The following GALNT9 variants were observed in gnomAD, a reference collection of about 807,000 sequenced individuals.
The protein encoded by GALNT9 is polypeptide N-acetylgalactosaminyltransferase 9.
GALNT9 carries 47 observed loss-of-function variants against 63.1 expected under a neutral mutation model. That is an observed-to-expected ratio of 0.75 (90% CI 0.59 to 0.95). The LOEUF is 0.95. GALNT9 is among the 40% of genes least tolerant of loss of function. GALNT9 has a pLI of 0.00. For synonymous variants in GALNT9, 396 were observed against 365.7 expected (o/e 1.08, Z -0.94); for missense variants, 829 against 874.8 (o/e 0.95, Z 0.66).
At chr12:132,254,138 C>T (rs992565065) in intron 5 of GALNT9, among the ~76,000 whole-genome samples, 1 of 152,010 alleles carries the variant, frequency 6.6e-6, no homozygotes, top group Non-Finnish European at 1.5e-5. Context: ...TCTCCTGCCT[C>T]GGCCTCCCAA....
intron 10 of GALNT9, among the ~76,000 whole-genome samples, chr12:132,197,549 G>C (rs1053460264): frequency 6.7e-6 from 1 of 148,744 alleles, no homozygotes; most frequent in Non-Finnish European, 1.5e-5. Context: ...GGCAGATGCA[G>C]GGCTATGATC....
chr12:132,202,691 A>G lies in GALNT9; in HGVS notation c.1263+814T>C, dbSNP rs1876255652. 1.3e-5 allele frequency among the ~76,000 whole-genome samples: 2 copies of G among 151,934 alleles called. 1 individual carries two copies. Among genetic ancestry groups the G allele is most frequent in the South Asian group, 4.2e-4 (2 of 4,818 alleles). ...TGCAGACAAGCCCGTTTCTAAGATG[A>G]GCCCTCCCAGAACTCAGGGACCCAG... is the stretch of plus-strand genomic sequence containing the variant. On this transcript the variant is annotated intron_variant, in intron 7 of 10. Transcript: ENST00000328957.
chr12:132,326,104 T>G (rs1481484683), intron 1 of GALNT9, among the ~76,000 whole-genome samples: 1 of 152,228 alleles, frequency 6.6e-6, no homozygotes, highest in Non-Finnish European at 1.5e-5. Context: ...TCTCTCCCCT[T>G]CCCATCTCAA....
chr12:132,289,207 C>G (rs908806000), intron 1 of GALNT9, among the ~76,000 whole-genome samples: 1 of 152,228 alleles, frequency 6.6e-6, no homozygotes, highest in South Asian at 2.1e-4. Flanking sequence ...TCTGTAACCC[C>G]TGTTAAGTGA....
intron 6 of GALNT9, among the ~76,000 whole-genome samples, chr12:132,210,477 C>T (rs1015912157): frequency 1.3e-5 from 2 of 152,178 alleles, no homozygotes; most frequent in Admixed American, 6.5e-5. Context: ...ACACTCATCA[C>T]GTGTGGGTGC....
rs1367223940 is a variant in GALNT9 at position 132,310,167 on chromosome 12, AC to A, written c.238+18798del. On this transcript the variant is annotated intron_variant, in intron 1 of 10. Coordinates refer to ENST00000328957, the MANE Select transcript of GALNT9 (RefSeq NM_001122636.2). This position sits in a 1 kb window ranked among gnomAD's most constrained non-coding sequence, Gnocchi z 4.8. ...GGAGCAGCCAATGTGTGACCATGAG[AC>A]CGAATGCCTCCAGCAGGAGGGGAGG... is the stretch of plus-strand genomic sequence containing the variant. 6.6e-6 allele frequency among the ~76,000 whole-genome samples: 1 copy of A among 152,122 alleles called. No individual in the cohort carries two copies. The highest frequency in any genetic ancestry group is 1.9e-4 in the East Asian group (1 of 5,188).
chr12:132,198,108 G>T lies in GALNT9; in HGVS notation c.1498-149C>A, dbSNP rs113311457. On this transcript the variant is annotated intron_variant, in intron 9 of 10. Coordinates refer to ENST00000328957, the MANE Select transcript of GALNT9 (RefSeq NM_001122636.2). ...CCACCCCGGGGACGCTGTTGCGGGC[G>T]GGAGAGGACCGCCGGGCAGGGCCCA... 6 of 664,604 alleles carry T rather than the reference G, an allele frequency of 9.0e-6. No individual in the cohort carries two copies. The East Asian group carries it at 1.7e-4, about 18-fold the overall frequency. 41.2% of individuals were successfully genotyped at this position (664,604 alleles called of 1,614,324 possible). A position where few individuals can be genotyped will look rare whatever the true frequency, so the allele number is the denominator to read the frequency against.
At chr12:132,228,711 A>G (rs1877792901) in intron 6 of GALNT9, among the ~76,000 whole-genome samples, 1 of 152,122 alleles carries the variant, frequency 6.6e-6, no homozygotes, top group Non-Finnish European at 1.5e-5. Context: ...GTAACACCCG[A>G]GGAGCAGCAT....
chr12:132,257,978 C>T (rs912353645), intron 4 of GALNT9, 92 bp from the exon 5 acceptor site: 4 of 865,370 alleles, frequency 4.6e-6, no homozygotes, highest in African/African-American at 1.7e-5. Flanking sequence ...AGGCCAGTCC[C>T]CACCTGGTCT....
chr12:132,211,214 A>G (rs116789722), intron 6 of GALNT9, among the ~76,000 whole-genome samples: 2,189 of 152,304 alleles, frequency 0.014, 43 homozygotes, highest in African/African-American at 0.05. Flanking sequence ...TTTGCAGAGA[A>G]AACGCTTCCA....
At chr12:132,264,866 C>T (rs1555240067) in intron 2 of GALNT9, among the ~76,000 whole-genome samples, 1 of 152,164 alleles carries the variant, frequency 6.6e-6, no homozygotes, top group African/African-American at 2.4e-5. Flanking sequence ...CAGGGAGCAG[C>T]GCCAGGGTCC....
intron 6 of GALNT9, among the ~76,000 whole-genome samples, chr12:132,229,436 C>G (rs1298941492): frequency 6.6e-6 from 1 of 152,266 alleles, no homozygotes; most frequent in East Asian, 1.9e-4. Flanking sequence ...CCCACCCGTC[C>G]TGCCCTGGCA....
chr12:132,221,682 A>G (rs1483641837), intron 6 of GALNT9, among the ~76,000 whole-genome samples: 3 of 150,068 alleles, frequency 2.0e-5, no homozygotes, highest in Non-Finnish European at 4.4e-5. Flanking sequence ...AAAAAAAGCA[A>G]GCAAGCCTGA....
At position 132,319,972 on chromosome 12, in the gene GALNT9, C is replaced by T. The variant is rs1341644735; in HGVS notation, c.238+8994G>A. ...AAAGGGGGCGGCCAGCGGCCCCCAC[C>T]GCTGGGTCACGCTATCCCCTCTGCC... On this transcript the variant is annotated intron_variant, in intron 1 of 10. Coordinates refer to ENST00000328957, the MANE Select transcript of GALNT9 (RefSeq NM_001122636.2). This position sits in a 1 kb window ranked among gnomAD's most constrained non-coding sequence, Gnocchi z 5.2. 1.3e-5 allele frequency among the ~76,000 whole-genome samples: 2 copies of T among 152,220 alleles called. No individual in the cohort carries two copies. Among genetic ancestry groups the T allele is most frequent in the Non-Finnish European group, 2.9e-5 (2 of 68,036 alleles).
intron 6 of GALNT9, among the ~76,000 whole-genome samples, chr12:132,233,527 T>C (rs1352951958): frequency 8.4e-5 from 2 of 23,734 alleles, no homozygotes; most frequent in Admixed American, 4.8e-4. Context: ...CTCGATGGGG[T>C]GACAGAGGAG....
intron 1 of GALNT9, among the ~76,000 whole-genome samples, chr12:132,307,124 C>G (rs28433281): frequency 0.02 from 2,986 of 152,156 alleles, 96 homozygotes; most frequent in African/African-American, 0.067. Flanking sequence ...CAGATTGTCA[C>G]TTGGCATGTG....
intron 1 of GALNT9, among the ~76,000 whole-genome samples, chr12:132,291,616 G>A (rs1326334576): frequency 1.1e-5 from 1 of 92,776 alleles, no homozygotes; most frequent in African/African-American, 5.0e-5. Context: ...CACCTCCACA[G>A]CACCCACGTC....
chr12:132,197,939 A>T lies in GALNT9; in HGVS notation c.1518T>A (p.Asp506Glu), dbSNP rs12306514. The change falls in exon 10 of 11, where the codon GAT becomes GAA. Residue 506 changes from aspartate (D) to glutamate (E), a missense_variant. Physicochemically the swap from Asp to Glu is conservative, Grantham distance 45. Transcript: ENST00000328957. ...MSSQLVRYSADGLLQLGPLGS... is the reference protein window; with the variant it reads ...MSSQLVRYSAEGLLQLGPLGS... Reference sequence around the variant, plus strand: ...CCAGAGGCCCCAGCTGCAGCAGTCCATCAGCGCTGTACCGCACCAGCTGGG... The same window carrying T: ...CCAGAGGCCCCAGCTGCAGCAGTCCTTCAGCGCTGTACCGCACCAGCTGGG... 1.4e-5 allele frequency: 22 copies of T among 1,609,636 alleles called. No individual in the cohort carries two copies. Among genetic ancestry groups the T allele is most frequent in the Non-Finnish European group, 1.5e-5 (18 of 1,178,504 alleles).
chr12:132,213,499 TCA>T (rs950169536), intron 6 of GALNT9, among the ~76,000 whole-genome samples: 5 of 75,456 alleles, frequency 6.6e-5, no homozygotes, highest in Admixed American at 1.2e-4. Flanking sequence ...CGCACTCCAC[TCA>T]CACACAGGCG....
Sources: allele counts gnomAD v4.1 joint callset (sites outside exome capture counted in the v4.1 genomes callset), GRCh38; gene constraint gnomAD v4.1.1; non-coding constraint Gnocchi (gnomAD v3.1); transcripts MANE v1.5; gene names NCBI Gene and HGNC (gene_info 2026-07-23, HGNC 2026-07-21).